ITGB7: variants seen among roughly 807,000 people sequenced by gnomAD.
ITGB7 encodes the protein integrin beta-7.
Under a neutral mutation model 83.4 loss-of-function variants are expected in ITGB7, and 55 were observed. That is an observed-to-expected ratio of 0.66 (90% CI 0.53 to 0.83). The LOEUF is 0.83. ITGB7 is among the 40% of genes least tolerant of loss of function. The pLI, the probability that ITGB7 is intolerant of heterozygous loss-of-function variation, is 0.00. For synonymous variants in ITGB7, 454 were observed against 423.6 expected, an observed-to-expected ratio of 1.07 and a Z score of -0.88; for missense variants, 921 against 1,046.7, an observed-to-expected ratio of 0.88 and a Z score of 1.66.
intron 12 of ITGB7, 50 bp downstream of exon 12, chr12:53,193,090 C>T: frequency 6.6e-7 from 1 of 1,525,966 alleles, no homozygotes; most frequent in Non-Finnish European, 9.0e-7. Context: ...AGCCTAAGTG[C>T]CTTGGGAAGG....
intron 1 of ITGB7, among the ~76,000 whole-genome samples, chr12:53,202,818 G>T (rs1174056655): frequency 6.6e-6 from 1 of 152,014 alleles, no homozygotes; most frequent in African/African-American, 2.4e-5. Flanking sequence ...AAAATTAGCC[G>T]GGTGTAGTGG....
chr12:53,205,924 AAC>A (rs1942433179), intron 1 of ITGB7, among the ~76,000 whole-genome samples: 1 of 152,108 alleles, frequency 6.6e-6, no homozygotes, highest in Non-Finnish European at 1.5e-5. Context: ...GCCTCAGCGT[AAC>A]CTCAGCCCTG....
intron 2 of ITGB7, 29 bp from the exon 3 acceptor site, chr12:53,200,475 G>T (rs572930216): frequency 1.3e-6 from 2 of 1,593,860 alleles, no homozygotes; most frequent in South Asian, 2.2e-5. Flanking sequence ...GGGGACATGT[G>T]GGTCCTCAGG....
At position 53,200,228 on chromosome 12, in the gene ITGB7, T is replaced by C. The variant is rs1022415535; in HGVS notation, c.201+15A>G. 14 of 1,609,482 alleles carry C rather than the reference T, an allele frequency of 8.7e-6. 1 individual carries two copies. The Admixed American group carries it at 1.2e-4, about 13-fold the overall frequency. On this transcript the variant is annotated intron_variant, in intron 3 of 15. Coordinates refer to ENST00000267082, the MANE Select transcript of ITGB7 (RefSeq NM_000889.3). Reference sequence around the variant, plus strand: ...ACACATACACATGGTTCAAAGACCATAGGCCCATCTTTACCAGTTGCTTGC... The same window carrying C: ...ACACATACACATGGTTCAAAGACCACAGGCCCATCTTTACCAGTTGCTTGC...
At chr12:53,198,118 C>T (rs545549468) in intron 3 of ITGB7, among the ~76,000 whole-genome samples, 167 bp from the exon 4 acceptor site, 28 of 152,128 alleles carry the variant, frequency 1.8e-4, no homozygotes, top group Non-Finnish European at 3.7e-4. Context: ...CCTTGAACTC[C>T]GGTCTTTTTT....
intron 12 of ITGB7, 35 bp from the exon 13 acceptor site, chr12:53,192,945 C>T: frequency 6.3e-7 from 1 of 1,594,852 alleles, no homozygotes; most frequent in Non-Finnish European, 8.6e-7. Flanking sequence ...GACAACCATA[C>T]TCCACACACA....
intron 3 of ITGB7, 90 bp downstream of exon 3, chr12:53,200,153 C>G (rs1314807055): frequency 8.7e-7 from 1 of 1,144,292 alleles, no homozygotes; most frequent in East Asian, 2.4e-5. Flanking sequence ...CATGTGCCCA[C>G]ACAATCACAC....
chr12:53,197,410 T>C, intron 5 of ITGB7, 83 bp downstream of exon 5: 1 of 1,529,458 alleles, frequency 6.5e-7, no homozygotes, highest in Non-Finnish European at 9.1e-7. Context: ...TTGGGGCCCT[T>C]GTGAGTCCAG....
chr12:53,192,846 T>G lies in ITGB7; in HGVS notation c.1791A>C (p.Glu597Asp), dbSNP rs1235576801. 1.2e-6 allele frequency: 2 copies of G among 1,614,202 alleles called. No homozygotes were observed. Among genetic ancestry groups the G allele is most frequent in the East Asian group, 2.2e-5 (1 of 44,886 alleles). ...CHANRTGRAC[E>D]CSGDMDSCIS... ...TGCAACTGTCCATGTCCCCACTGCATTCGCATGCTCTGCCCGTGCGGTTGG... is the reference window on the plus strand; with the variant it reads ...TGCAACTGTCCATGTCCCCACTGCAGTCGCATGCTCTGCCCGTGCGGTTGG... The change falls in exon 13 of 16, where the codon GAA (glutamate) becomes GAC (aspartate). Residue 597 changes from glutamate (E) to aspartate (D), a missense_variant. Transcript: ENST00000267082.
At chr12:53,205,164 A>G (rs908826354) in intron 1 of ITGB7, among the ~76,000 whole-genome samples, 8 of 151,918 alleles carry the variant, frequency 5.3e-5, no homozygotes, top group Non-Finnish European at 1.0e-4. Context: ...TAATGCTGAA[A>G]TGAAAAGTAA....
chr12:53,201,262 A>G (rs1942316343), intron 1 of ITGB7, 68 bp from the exon 2 acceptor site: 1 of 152,256 alleles, frequency 6.6e-6, no homozygotes, highest in African/African-American at 2.4e-5. Flanking sequence ...TGGATTCTAA[A>G]TAAGAGAAGA....
At chr12:53,191,794 G>C in intron 15 of ITGB7, 65 bp downstream of exon 15, 1 of 1,599,148 alleles carries the variant, frequency 6.3e-7, no homozygotes, top group South Asian at 1.1e-5. Context: ...CCAGTGGGAG[G>C]AATCAGGGCT....
intron 7 of ITGB7, 146 bp downstream of exon 7, chr12:53,195,895 G>T: frequency 9.7e-7 from 1 of 1,036,022 alleles, no homozygotes; most frequent in Non-Finnish European, 1.4e-6. Context: ...TCCTGTCTCG[G>T]CAGCTGAAAG....
chr12:53,198,952 A>G (rs1480461303), intron 3 of ITGB7, among the ~76,000 whole-genome samples: 1 of 152,208 alleles, frequency 6.6e-6, no homozygotes, highest in African/African-American at 2.4e-5. Context: ...AGCCAGACAC[A>G]GACCTGACCA....
At position 53,192,322 on chromosome 12, in the gene ITGB7, C is replaced by A. The variant is rs765790908; in HGVS notation, c.2155+8G>T. The A allele has an allele frequency of 8.1e-6, 13 of 1,613,690 alleles. No homozygotes were observed. In the African/African-American group the frequency reaches 1.7e-4, roughly 22 times the overall value. On this transcript the variant is annotated splice_region_variant and intron_variant, in intron 14 of 15. Coordinates refer to ENST00000267082, the MANE Select transcript of ITGB7 (RefSeq NM_000889.3). ...CTTCCAGGGTTTGTGGCATCCCTGC[C>A]CACTTACTTTCTTGGGGTCTCACTC...
chr12:53,202,231 C>CAT (rs1942338003), intron 1 of ITGB7, among the ~76,000 whole-genome samples: 1 of 151,936 alleles, frequency 6.6e-6, no homozygotes, highest in Non-Finnish European at 1.5e-5. Context: ...TGGTGGTGGG[C>CAT]GCCTGTAATC....
chr12:53,194,236 C>G lies in ITGB7; in HGVS notation c.1270G>C (p.Asp424His). 1 of 1,614,118 alleles carries G rather than the reference C, an allele frequency of 6.2e-7. No homozygotes were observed. Among genetic ancestry groups the G allele is most frequent in the Non-Finnish European group, 8.5e-7 (1 of 1,180,026 alleles). Residue 424 changes from aspartate to histidine, a missense_variant, in exon 10 of 16, where the codon GAT becomes CAT. Coordinates refer to ENST00000267082, the MANE Select transcript of ITGB7 (RefSeq NM_000889.3). ...GPEKREGKAE[D>H]RGQCNHVRIN... ...CGGACGTGGTTGCACTGTCCTCGAT[C>G]CTCAGCCTTACCCTCCCTCTTCTCA...
chr12:53,200,448 T>C lies in ITGB7; in HGVS notation c.-3-2A>G. On this transcript the variant is annotated splice_acceptor_variant, in intron 2 of 15. Coordinates refer to ENST00000267082, the MANE Select transcript of ITGB7 (RefSeq NM_000889.3). LOFTEE classifies it low-confidence loss of function (5UTR_SPLICE). Reference sequence around the variant, plus strand: ...GACCATTGGCAAAGCCACCATGCCCTGTAATAGGATATAAAGGGGGACATG... The same window carrying C: ...GACCATTGGCAAAGCCACCATGCCCCGTAATAGGATATAAAGGGGGACATG... 6.2e-7 allele frequency: 1 copy of C among 1,613,868 alleles called. No homozygotes were observed. The highest frequency in any genetic ancestry group is 8.5e-7 in the Non-Finnish European group (1 of 1,179,794).
chr12:53,205,685 C>T (rs1565711018), intron 1 of ITGB7, among the ~76,000 whole-genome samples: 1 of 152,224 alleles, frequency 6.6e-6, no homozygotes, highest in Non-Finnish European at 1.5e-5. Context: ...TACTGGTCCA[C>T]ATTCCCATCA....
Sources: allele counts gnomAD v4.1 joint callset (sites outside exome capture counted in the v4.1 genomes callset), GRCh38; gene constraint gnomAD v4.1.1; transcripts MANE v1.5; gene names NCBI Gene and HGNC (gene_info 2026-07-23, HGNC 2026-07-21).